Variants in DHCR24 observed in about 807,000 individuals in gnomAD.
The protein encoded by DHCR24 is delta(24)-sterol reductase.
Under a neutral mutation model 61.2 loss-of-function variants are expected in DHCR24, and 28 were observed. The ratio of observed to expected loss-of-function variants is 0.46; its 90% CI spans 0.34 to 0.63. The LOEUF (loss-of-function observed/expected upper bound fraction) is 0.63. Ranked by LOEUF, DHCR24 falls within the 20% of genes least tolerant of loss-of-function variation. The pLI is 0.01. For synonymous variants in DHCR24, 261 were observed against 275.9 expected, an observed-to-expected ratio of 0.95 and a Z score of 0.54; for missense variants, 538 against 679.1, an observed-to-expected ratio of 0.79 and a Z score of 2.31.
intron 2 of DHCR24, among the ~76,000 whole-genome samples, chr1:54,879,785 G>A (rs1222877654): frequency 6.6e-6 from 1 of 151,982 alleles, no homozygotes; most frequent in South Asian, 2.1e-4. Context: ...GACATCAAAA[G>A]GGAAATCAAA....
chr1:54,874,371 T>G (rs1484877641), intron 4 of DHCR24, among the ~76,000 whole-genome samples: 1 of 152,208 alleles, frequency 6.6e-6, no homozygotes, highest in Non-Finnish European at 1.5e-5. Flanking sequence ...TACTGTATTT[T>G]TACTGTACCT....
chr1:54,856,630 T>C (rs562148428), intron 6 of DHCR24, among the ~76,000 whole-genome samples: 3 of 152,260 alleles, frequency 2.0e-5, no homozygotes, highest in African/African-American at 7.2e-5. Flanking sequence ...TATTGACCCC[T>C]GCTCGATTAC....
At chr1:54,853,034 C>T (rs1169794133) in intron 8 of DHCR24, among the ~76,000 whole-genome samples, 1 of 152,158 alleles carries the variant, frequency 6.6e-6, no homozygotes, top group Non-Finnish European at 1.5e-5. Flanking sequence ...TCCTGGGCCT[C>T]TCCGTGGTTT....
At chr1:54,880,502 C>T (rs1269541528) in intron 2 of DHCR24, among the ~76,000 whole-genome samples, 1 of 152,328 alleles carries the variant, frequency 6.6e-6, no homozygotes, top group Non-Finnish European at 1.5e-5. Flanking sequence ...CGGTGGCTCA[C>T]GCCTGTAATC....
At chr1:54,867,847 G>A (rs1401489492) in intron 5 of DHCR24, among the ~76,000 whole-genome samples, 1 of 152,162 alleles carries the variant, frequency 6.6e-6, no homozygotes, top group Non-Finnish European at 1.5e-5. Flanking sequence ...GTCCGGTATT[G>A]CCACCGCTGT....
chr1:54,865,549 C>G, intron 5 of DHCR24, 103 bp from the exon 6 acceptor site: 1 of 1,494,112 alleles, frequency 6.7e-7, no homozygotes, highest in Non-Finnish European at 9.2e-7. Flanking sequence ...CTGGCCTTTT[C>G]AAAGCTCTTT....
intron 2 of DHCR24, among the ~76,000 whole-genome samples, chr1:54,876,369 C>A (rs1020021515): frequency 2.0e-5 from 3 of 152,152 alleles, no homozygotes; most frequent in Admixed American, 6.6e-5. Context: ...AATCACCCAT[C>A]CTGGCTGGTC....
chr1:54,861,130 T>G (rs1048446223), intron 6 of DHCR24, among the ~76,000 whole-genome samples: 4 of 152,176 alleles, frequency 2.6e-5, no homozygotes, highest in Non-Finnish European at 5.9e-5. Flanking sequence ...CCACTGGCTC[T>G]CACAACATAC....
intron 2 of DHCR24, among the ~76,000 whole-genome samples, chr1:54,877,211 C>G (rs1189145470): frequency 1.3e-5 from 2 of 151,834 alleles, no homozygotes; most frequent in Non-Finnish European, 2.9e-5. Context: ...TCCTTTCACA[C>G]TATTTTGTAT....
At chr1:54,884,676 G>C (rs1455150102) in intron 1 of DHCR24, among the ~76,000 whole-genome samples, 1 of 152,172 alleles carries the variant, frequency 6.6e-6, no homozygotes, top group African/African-American at 2.4e-5. Flanking sequence ...TTTGGTCCAA[G>C]TGAGACTGAT....
Position 54,856,816 on chromosome 1 carries a change from A to G in DHCR24, c.1021-2582T>C, listed in dbSNP as rs532343757. ...GGCTTAAACAGTGTGTGCAATTTTC[A>G]TGGATACCATTTCAGAGCTTGTACC... On this transcript the variant is annotated intron_variant, in intron 6 of 8. Transcript: ENST00000371269. Among the ~76,000 whole-genome samples the G allele has an allele frequency of 2.0e-5, 3 of 152,326 alleles. No individual in the cohort carries two copies. The South Asian group carries it at 6.2e-4, about 32-fold the overall frequency.
chr1:54,871,079 T>G (rs1386597474), intron 5 of DHCR24, among the ~76,000 whole-genome samples: 1 of 152,218 alleles, frequency 6.6e-6, no homozygotes, highest in Non-Finnish European at 1.5e-5. Flanking sequence ...TTTCCTCATC[T>G]ATAAAATGGG....
chr1:54,878,005 C>CAA (rs34579917), intron 2 of DHCR24, among the ~76,000 whole-genome samples: 47 of 111,754 alleles, frequency 4.2e-4, no homozygotes, highest in Admixed American at 9.1e-4. Context: ...GACTCTGTCT[C>CAA]AAAAAAAAAA....
chr1:54,864,452 C>T (rs774592409), intron 6 of DHCR24, among the ~76,000 whole-genome samples: 20 of 152,122 alleles, frequency 1.3e-4, no homozygotes, highest in Non-Finnish European at 2.8e-4. Flanking sequence ...CTGAATGATT[C>T]CATATATGTG....
At chr1:54,855,508 C>T (rs910447299) in intron 6 of DHCR24, among the ~76,000 whole-genome samples, 4 of 152,140 alleles carry the variant, frequency 2.6e-5, no homozygotes, top group African/African-American at 9.7e-5. Context: ...AAGACACCCA[C>T]AACCGCAGGT....
intron 7 of DHCR24, 79 bp from the exon 8 acceptor site, chr1:54,853,691 C>G: frequency 6.8e-7 from 1 of 1,477,786 alleles, no homozygotes; most frequent in Non-Finnish European, 9.2e-7. Context: ...CTCATACCCA[C>G]CCAAATGAAG....
intron 5 of DHCR24, 73 bp from the exon 6 acceptor site, chr1:54,865,519 C>A: frequency 6.3e-7 from 1 of 1,597,322 alleles, no homozygotes; most frequent in Non-Finnish European, 8.5e-7. Context: ...ACAGCGACAC[C>A]CGGCTTCTGT....
rs759137429 is a variant in DHCR24, at chr1:54,871,541, T to C, written c.685A>G (p.Ile229Val). ...TACTTCTTGGCAGGGATGATGCGGA[T>C]CTCAGCGGCCACCAGGAAACCCAGC... ...GTLGFLVAAE[I>V]RIIPAKKYVK... Residue 229 changes from isoleucine to valine, a missense_variant, in exon 5 of 9, where the codon ATC becomes GTC. By Grantham distance (29) the Ile-to-Val change is conservative (BLOSUM62 3). Transcript: ENST00000371269. 6.2e-6 allele frequency: 10 copies of C among 1,614,130 alleles called. No homozygotes were observed. The highest frequency in any genetic ancestry group is 8.5e-6 in the Non-Finnish European group (10 of 1,180,012).
In DHCR24 at chr1:54,862,573, G is replaced by A. The variant is rs1406811378; in HGVS notation, c.1020+2730C>T. ...TTCCTCCTCCCCTAACCTGCAAGGTGTCCCAGGGTCTTCTCTATCTGCCCT... is the reference window on the plus strand; with the variant it reads ...TTCCTCCTCCCCTAACCTGCAAGGTATCCCAGGGTCTTCTCTATCTGCCCT... On this transcript the variant is annotated intron_variant, in intron 6 of 8. Transcript: ENST00000371269. Among the ~76,000 whole-genome samples the A allele has an allele frequency of 2.0e-5, 3 of 152,056 alleles. No individual in the cohort carries two copies. In the East Asian group the frequency reaches 5.8e-4, roughly 29 times the overall value.
Sources: gnomAD v4.1 joint callset for allele counts (sites outside exome capture counted in the v4.1 genomes callset) on GRCh38, gnomAD v4.1.1 for gene constraint, MANE v1.5 for transcripts, NCBI Gene and HGNC (gene_info 2026-07-23, HGNC 2026-07-21) for gene names.